The following FEZF2 variants were observed in gnomAD, a reference collection of about 807,000 sequenced individuals.
FEZF2 encodes FEZ family zinc finger 2.
In FEZF2, 2 loss-of-function variants were observed where a neutral mutation model predicts 32.8. That is an observed-to-expected ratio of 0.06 (90% confidence interval 0.02 to 0.19). The LOEUF is 0.19. Ranked by LOEUF, FEZF2 falls within the 10% of genes least tolerant of loss-of-function variation. The probability of loss-of-function intolerance (pLI) is 1.00; values close to 1 mark genes in which losing one functional copy is unlikely to be tolerated. For synonymous variants in FEZF2, 322 were observed against 284.8 expected, an observed-to-expected ratio of 1.13 and a Z score of -1.32; for missense variants, 516 against 625.4, an observed-to-expected ratio of 0.83 and a Z score of 1.87.
Position 62,372,455 on chromosome 3 carries a change from C to G in FEZF2, c.414G>C (p.Glu138Asp), listed in dbSNP as rs756487022. Residue 138 changes from glutamate to aspartate, a missense_variant, in exon 2 of 5, where the codon GAG (glutamate) becomes GAC (aspartate). Around this residue, in one of 3 missense-constraint regions of FEZF2, gnomAD observed 408 missense variants for 382.2 expected, o/e 1.07. Coordinates refer to ENST00000283268, the MANE Select transcript of FEZF2 (RefSeq NM_018008.4). The surrounding 1 kb of genome is among the most constrained non-coding windows in gnomAD (Gnocchi z 9.6). Reference sequence around the variant, plus strand: ...GCAGCGCGGACGGCGCCAGGCCCAGCTCGGCCTTGCAGCACACGCCACAGT... The same window carrying G: ...GCAGCGCGGACGGCGCCAGGCCCAGGTCGGCCTTGCAGCACACGCCACAGT... ...KTNCGVCCKA[E>D]LGLAPSALPA... 2 of 1,603,728 alleles carry G rather than the reference C, an allele frequency of 1.2e-6. No individual in the cohort carries two copies. The highest frequency in any genetic ancestry group is 2.2e-5 in the East Asian group (1 of 44,446).
At position 62,372,480 on chromosome 3, in the gene FEZF2, T is replaced by G; in HGVS notation, c.389A>C (p.Asn130Thr). 6.3e-7 allele frequency: 1 copy of G among 1,577,448 alleles called. No homozygotes were observed. Among genetic ancestry groups the G allele is most frequent in the Non-Finnish European group, 8.6e-7 (1 of 1,164,742 alleles). The change falls in exon 2 of 5, where the codon AAC (asparagine) becomes ACC (threonine). Residue 130 changes from asparagine to threonine, a missense_variant. This residue lies in a region of FEZF2 where 408 missense variants were observed against 382.2 expected (regional missense o/e 1.07). Transcript: ENST00000283268. This position sits in a 1 kb window ranked among gnomAD's most constrained non-coding sequence, Gnocchi z 9.6. ...CTCGGCCTTGCAGCACACGCCACAG[T>G]TGGTTTTGCACAAGCCGCTGGCGCC... Reference protein sequence around the residue: ...VCGASGLCKTNCGVCCKAELG... With the variant: ...VCGASGLCKTTCGVCCKAELG...
In FEZF2 at chr3:62,371,678, A is replaced by G; in HGVS notation, c.853-11T>C. 6.2e-7 allele frequency: 1 copy of G among 1,603,320 alleles called. No individual in the cohort carries two copies. Among genetic ancestry groups the G allele is most frequent in the Non-Finnish European group, 8.5e-7 (1 of 1,173,336 alleles). The stretch of plus-strand genomic sequence containing the variant: ...GTGAGCGTTAAACACCTATGGAAAG[A>G]CATGGGGGGCCTTGTGGTGCGTCTG... On this transcript the variant is annotated splice_polypyrimidine_tract_variant and intron_variant, in intron 2 of 4. Transcript: ENST00000283268.
rs1022763783 is a variant in FEZF2, at chr3:62,369,813, G to A, written c.*270C>T. On this transcript the variant is annotated 3_prime_UTR_variant, in exon 5 of 5. Transcript: ENST00000283268. The surrounding 1 kb of genome is among the most constrained non-coding windows in gnomAD (Gnocchi z 4.2). ...ACGGTGACAGGCTGGGGTTAAAACT[G>A]GCTGCCCCAGGAGAAGCGGAGGCCT... The A allele has an allele frequency of 2.4e-6, 1 of 416,504 alleles. No homozygotes were observed. The highest frequency in any genetic ancestry group is 4.3e-6 in the Non-Finnish European group (1 of 233,518). The allele number at this position is 416,504 out of a possible 1,614,324, so 25.8% of individuals were successfully genotyped here.
Position 62,371,652 on chromosome 3 carries a change from A to C in FEZF2, c.868T>G (p.Tyr290Asp). 1 of 1,613,206 alleles carries C rather than the reference A, an allele frequency of 6.2e-7. No homozygotes were observed. The highest frequency in any genetic ancestry group is 8.5e-7 in the Non-Finnish European group (1 of 1,179,550). ...ACCGGCATGTGGCGGGTGAGATTATAGTGAGCGTTAAACACCTATGGAAAG... is the reference window on the plus strand; with the variant it reads ...ACCGGCATGTGGCGGGTGAGATTATCGTGAGCGTTAAACACCTATGGAAAG... The part of the protein sequence containing the change: ...EVCGKVFNAH[Y>D]NLTRHMPVHT... The change falls in exon 3 of 5, where the codon TAT becomes GAT. Residue 290 changes from tyrosine (Y) to aspartate (D), a missense_variant. Transcript: ENST00000283268.
In FEZF2 at chr3:62,369,978, C is replaced by T; in HGVS notation, c.*105G>A. ...GCTGGTTTCGATAAATAGATTTTAG[C>T]CTCTCTGCTATAGTTTTTTTTTCTT... On this transcript the variant is annotated 3_prime_UTR_variant, in exon 5 of 5. Coordinates refer to ENST00000283268, the MANE Select transcript of FEZF2 (RefSeq NM_018008.4). The surrounding 1 kb of genome is among the most constrained non-coding windows in gnomAD (Gnocchi z 4.2). 1 of 1,329,012 alleles carries T rather than the reference C, an allele frequency of 7.5e-7. No homozygotes were observed. The highest frequency in any genetic ancestry group is 1.0e-6 in the Non-Finnish European group (1 of 997,192). 82.3% of individuals were successfully genotyped at this position (1,329,012 alleles called of 1,614,324 possible). A position where few individuals can be genotyped will look rare whatever the true frequency, so the allele number is the denominator to read the frequency against.
At position 62,372,996 on chromosome 3, in the gene FEZF2, T is replaced by G. The variant is rs926107978; in HGVS notation, c.-58-70A>C. The G allele has an allele frequency of 3.2e-6, 3 of 935,672 alleles. No homozygotes were observed. The highest frequency in any genetic ancestry group is 3.3e-5 in the East Asian group (1 of 30,564). 58.0% of individuals were successfully genotyped at this position (935,672 alleles called of 1,614,324 possible). ...CACCTAGTCGGGCCCGGGTCACCCATTTGCATTCAAATGAACAGGGGCAAA... is the reference window on the plus strand; with the variant it reads ...CACCTAGTCGGGCCCGGGTCACCCAGTTGCATTCAAATGAACAGGGGCAAA... On this transcript the variant is annotated intron_variant, in intron 1 of 4. Coordinates refer to ENST00000283268, the MANE Select transcript of FEZF2 (RefSeq NM_018008.4). The surrounding 1 kb of genome is among the most constrained non-coding windows in gnomAD (Gnocchi z 9.6).
chr3:62,373,091 G>A lies in FEZF2; in HGVS notation c.-58-165C>T. The A allele has an allele frequency of 6.8e-6, 2 of 295,844 alleles. No homozygotes were observed. The highest frequency in any genetic ancestry group is 5.1e-5 in the Admixed American group (1 of 19,758). The allele number at this position is 295,844 out of a possible 1,614,324, so 18.3% of individuals were successfully genotyped here. A position where few individuals can be genotyped will look rare whatever the true frequency, so the allele number is the denominator to read the frequency against. ...CGCGCAAAGGAACCCACCAGCCCCT[G>A]CCCTGGGACTTTGAAAGGGGGAAGA... is the stretch of plus-strand genomic sequence containing the variant. On this transcript the variant is annotated intron_variant, in intron 1 of 4. Coordinates refer to ENST00000283268, the MANE Select transcript of FEZF2 (RefSeq NM_018008.4). This position sits in a 1 kb window ranked among gnomAD's most constrained non-coding sequence, Gnocchi z 5.5.
In FEZF2 at chr3:62,372,542, G is replaced by GCCGCCGCCGCCT. The variant is rs765296597; in HGVS notation, c.315_326dup (p.Gly114_Gly117dup). On this transcript the variant is annotated inframe_insertion, in exon 2 of 5. Transcript: ENST00000283268. The surrounding 1 kb of genome is among the most constrained non-coding windows in gnomAD (Gnocchi z 9.6). ...CCCCCCCGCCGCCGCCGCCGCCACC[G>GCCGCCGCCGCCT]CCGCCGCCGCCTCCGCCGCCGCCCG... 3.0e-6 allele frequency: 4 copies of GCCGCCGCCGCCT among 1,313,050 alleles called. No individual in the cohort carries two copies. The highest frequency in any genetic ancestry group is 2.9e-6 in the Non-Finnish European group (3 of 1,031,402). 81.3% of individuals were successfully genotyped at this position (1,313,050 alleles called of 1,614,324 possible).
rs545163093 is a variant in FEZF2 at position 62,370,701 on chromosome 3, C to A, written c.1121-359G>T. On this transcript the variant is annotated intron_variant, in intron 4 of 4. Transcript: ENST00000283268. This position sits in a 1 kb window ranked among gnomAD's most constrained non-coding sequence, Gnocchi z 4.2. ...CTCGCTAGAAGAAATTCGCACGAAC[C>A]CGGGCTTCATCCTTTTTCTTTTCCC... Among the ~76,000 whole-genome samples, 34 of 152,320 alleles carry A rather than the reference C, an allele frequency of 2.2e-4. No individual in the cohort carries two copies. The highest frequency in any genetic ancestry group is 7.5e-4 in the African/African-American group (31 of 41,578).
In FEZF2 at chr3:62,372,193, A is replaced by T; in HGVS notation, c.676T>A (p.Phe226Ile). ...AKLAGLAADK[F>I]PHPAPYPHKE... ...TGGGGATAGGGAGCCGGGTGGGGGAACTTGTCCGCAGCCAGGCCGGCCAGC... is the reference window on the plus strand; with the variant it reads ...TGGGGATAGGGAGCCGGGTGGGGGATCTTGTCCGCAGCCAGGCCGGCCAGC... Residue 226 changes from phenylalanine (F) to isoleucine (I), a missense_variant, in exon 2 of 5, where the codon TTC becomes ATC. Phe to Ile is a conservative substitution (Grantham distance 21). Coordinates refer to ENST00000283268, the MANE Select transcript of FEZF2 (RefSeq NM_018008.4). This position sits in a 1 kb window ranked among gnomAD's most constrained non-coding sequence, Gnocchi z 9.6. 6.3e-7 allele frequency: 1 copy of T among 1,578,640 alleles called. No homozygotes were observed. The highest frequency in any genetic ancestry group is 8.6e-7 in the Non-Finnish European group (1 of 1,161,988).
At position 62,370,006 on chromosome 3, in the gene FEZF2, A is replaced by G; in HGVS notation, c.*77T>C. Reference sequence around the variant, plus strand: ...CTCTGCTATAGTTTTTTTTTCTTTTAATTTTAGAAATAAGTTTATATGTGT... The same window carrying G: ...CTCTGCTATAGTTTTTTTTTCTTTTGATTTTAGAAATAAGTTTATATGTGT... On this transcript the variant is annotated 3_prime_UTR_variant, in exon 5 of 5. Coordinates refer to ENST00000283268, the MANE Select transcript of FEZF2 (RefSeq NM_018008.4). This position sits in a 1 kb window ranked among gnomAD's most constrained non-coding sequence, Gnocchi z 4.2. The G allele has an allele frequency of 3.4e-6, 5 of 1,449,984 alleles. No individual in the cohort carries two copies. Among genetic ancestry groups the G allele is most frequent in the Non-Finnish European group, 4.6e-6 (5 of 1,087,280 alleles). 89.8% of individuals were successfully genotyped at this position (1,449,984 alleles called of 1,614,324 possible). A position where few individuals can be genotyped will look rare whatever the true frequency, so the allele number is the denominator to read the frequency against.
chr3:62,372,068 T>C lies in FEZF2; in HGVS notation c.801A>G (p.Gly267=). Residue 267 remains glycine, a synonymous_variant, in exon 2 of 5, where the codon GGA becomes GGG. Transcript: ENST00000283268. The surrounding 1 kb of genome is among the most constrained non-coding windows in gnomAD (Gnocchi z 9.6). ...TTTTGGGCTTGCCATCTGCGGAGCC[T>C]CCTGGCAGCTTGCTGTGGCCCTTGA... ...GGVKGHSKLP[G]GSADGKPKNF... is the part of the protein sequence containing the mutation. 1.9e-6 allele frequency: 3 copies of C among 1,609,412 alleles called. No homozygotes were observed. Among genetic ancestry groups the C allele is most frequent in the East Asian group, 2.2e-5 (1 of 44,718 alleles).
At position 62,372,911 on chromosome 3, in the gene FEZF2, C is replaced by A. The variant is rs9851074; in HGVS notation, c.-43G>T. The A allele has an allele frequency of 1.4e-4, 187 of 1,356,800 alleles. 1 individual carries two copies. The African/African-American group carries it at 2.5e-3, about 18-fold the overall frequency. 84.0% of individuals were successfully genotyped at this position (1,356,800 alleles called of 1,614,324 possible). A position where few individuals can be genotyped will look rare whatever the true frequency, so the allele number is the denominator to read the frequency against. ...CGAGCCAGGCTGGGCCAGGGCGCAG[C>A]CTCTCTCCTCTAAGTCTGCATTCCG... On this transcript the variant is annotated 5_prime_UTR_variant, in exon 2 of 5. Coordinates refer to ENST00000283268, the MANE Select transcript of FEZF2 (RefSeq NM_018008.4). This position sits in a 1 kb window ranked among gnomAD's most constrained non-coding sequence, Gnocchi z 9.6.
At position 62,371,288 on chromosome 3, in the gene FEZF2, G is replaced by A; in HGVS notation, c.1049C>T (p.Thr350Met). 1 of 1,614,250 alleles carries A rather than the reference G, an allele frequency of 6.2e-7. No individual in the cohort carries two copies. Residue 350 changes from threonine (T) to methionine (M), a missense_variant, in exon 4 of 5, where the codon ACG (threonine) becomes ATG (methionine). Around this residue, in one of 3 missense-constraint regions of FEZF2, gnomAD observed 79 missense variants for 219.4 expected, o/e 0.36. Transcript: ENST00000283268. ...KAFNRSSTLN[T>M]HIRIHAGYKP... ...GTAGCCCGCGTGGATGCGGATATGC[G>A]TGTTGAGCGTGGAGCTGCGGTTGAA...
rs970644682 is a variant in FEZF2, at chr3:62,372,934, C to A, written c.-58-8G>T. On this transcript the variant is annotated splice_region_variant and splice_polypyrimidine_tract_variant and intron_variant, in intron 1 of 4. Transcript: ENST00000283268. This position sits in a 1 kb window ranked among gnomAD's most constrained non-coding sequence, Gnocchi z 9.6. ...AGCCTCTCTCCTCTAAGTCTGCATTCCGGAAAAGGCAGGGGGGAAAACTGC... is the reference window on the plus strand; with the variant it reads ...AGCCTCTCTCCTCTAAGTCTGCATTACGGAAAAGGCAGGGGGGAAAACTGC... The A allele has an allele frequency of 3.7e-5, 49 of 1,314,638 alleles. 4 individuals carry two copies. In the Admixed American group the frequency reaches 6.3e-4, roughly 17 times the overall value. 81.4% of individuals were successfully genotyped at this position (1,314,638 alleles called of 1,614,324 possible). A position where few individuals can be genotyped will look rare whatever the true frequency, so the allele number is the denominator to read the frequency against.
Position 62,370,287 on chromosome 3 carries a change from G to A in FEZF2, c.1176C>T (p.Thr392=), listed in dbSNP as rs772050694. 8.1e-6 allele frequency: 13 copies of A among 1,614,080 alleles called. No individual in the cohort carries two copies. The Admixed American group carries it at 1.7e-4, about 21-fold the overall frequency. ...THSGEKQYKC[T]ICNKAFHQVY... is the part of the protein sequence containing the mutation. ...CCTGGTGGAAGGCCTTGTTGCAGAT[G>A]GTACATTTGTACTGCTTCTCGCCGC... Residue 392 remains threonine, a synonymous_variant, in exon 5 of 5, where the codon ACC becomes ACT. Transcript: ENST00000283268. The surrounding 1 kb of genome is among the most constrained non-coding windows in gnomAD (Gnocchi z 4.2).
Position 62,369,912 on chromosome 3 carries a change from G to T in FEZF2, c.*171C>A. 1 of 761,978 alleles carries T rather than the reference G, an allele frequency of 1.3e-6. No homozygotes were observed. 47.2% of individuals were successfully genotyped at this position (761,978 alleles called of 1,614,324 possible). On this transcript the variant is annotated 3_prime_UTR_variant, in exon 5 of 5. Transcript: ENST00000283268. This position sits in a 1 kb window ranked among gnomAD's most constrained non-coding sequence, Gnocchi z 4.2. ...ATACAAAGGTGGGGGCCACGAGTTTGCTGCCAGTCATCGAGGAAACATTTA... is the reference window on the plus strand; with the variant it reads ...ATACAAAGGTGGGGGCCACGAGTTTTCTGCCAGTCATCGAGGAAACATTTA...
chr3:62,370,274 C>T lies in FEZF2; in HGVS notation c.1189G>A (p.Ala397Thr). ...GTTAGGTTGTAGACCTGGTGGAAGG[C>T]CTTGTTGCAGATGGTACATTTGTAC... is the stretch of plus-strand genomic sequence containing the variant. ...KQYKCTICNK[A>T]FHQVYNLTFH... Residue 397 changes from alanine (A) to threonine (T), a missense_variant, in exon 5 of 5, where the codon GCC becomes ACC. Coordinates refer to ENST00000283268, the MANE Select transcript of FEZF2 (RefSeq NM_018008.4). The surrounding 1 kb of genome is among the most constrained non-coding windows in gnomAD (Gnocchi z 4.2). The T allele has an allele frequency of 6.2e-7, 1 of 1,614,194 alleles. No individual in the cohort carries two copies. Among genetic ancestry groups the T allele is most frequent in the Non-Finnish European group, 8.5e-7 (1 of 1,180,046 alleles).
At position 62,372,536 on chromosome 3, in the gene FEZF2, GCCA is replaced by G. The variant is rs771651427; in HGVS notation, c.330_332del (p.Gly117del). 3.8e-6 allele frequency: 5 copies of G among 1,313,492 alleles called. No homozygotes were observed. The South Asian group carries it at 1.1e-4, about 30-fold the overall frequency. The allele number at this position is 1,313,492 out of a possible 1,614,324, so 81.4% of individuals were successfully genotyped here. The stretch of plus-strand genomic sequence containing the variant: ...CTGGGGCCCCCCCGCCGCCGCCGCC[GCCA>G]CCGCCGCCGCCGCCTCCGCCGCCGC... On this transcript the variant is annotated inframe_deletion, in exon 2 of 5. Coordinates refer to ENST00000283268, the MANE Select transcript of FEZF2 (RefSeq NM_018008.4). The surrounding 1 kb of genome is among the most constrained non-coding windows in gnomAD (Gnocchi z 9.6).
Sources: gnomAD v4.1 joint callset for allele counts (sites outside exome capture counted in the v4.1 genomes callset) on GRCh38, gnomAD v4.1.1 for gene constraint, gnomAD v4.1.1 regional missense constraint, Gnocchi (gnomAD v3.1) non-coding constraint, MANE v1.5 for transcripts, NCBI Gene and HGNC (gene_info 2026-07-23, HGNC 2026-07-21) for gene names.